PDE4D: variants seen among roughly 807,000 people sequenced by gnomAD.
PDE4D encodes the protein phosphodiesterase 4D.
A neutral mutation model predicts 87.4 loss-of-function variants in PDE4D; 24 were observed. The ratio of observed to expected loss-of-function variants is 0.27; its 90% confidence interval spans 0.20 to 0.39. The LOEUF (loss-of-function observed/expected upper bound fraction) is 0.39, where lower values mean the gene tolerates loss of function less well. Ranked by LOEUF, PDE4D falls within the 10% of genes least tolerant of loss-of-function variation. PDE4D has a pLI of 1.00. For missense variants in PDE4D, 714 were observed against 1,041.0 expected (o/e 0.69, Z 4.32); for synonymous variants, 384 against 383.2 (o/e 1.00, Z -0.02).
intron 1 of PDE4D, among the ~76,000 whole-genome samples, chr5:59,649,010 T>G (rs1324250743): frequency 6.6e-6 from 1 of 152,172 alleles, no homozygotes; most frequent in Non-Finnish European, 1.5e-5. Context: ...GAAGTTGGAT[T>G]CTTATATATA....
intron 6 of PDE4D, among the ~76,000 whole-genome samples, chr5:58,997,340 A>C (rs1199456955): frequency 6.6e-6 from 1 of 152,132 alleles, no homozygotes; most frequent in Non-Finnish European, 1.5e-5. Context: ...AGATCATTCA[A>C]CAAACATTTA....
At chr5:59,887,346 G>A (rs1474165307) in intron 1 of PDE4D, among the ~76,000 whole-genome samples, 1 of 152,100 alleles carries the variant, frequency 6.6e-6, no homozygotes, top group Non-Finnish European at 1.5e-5. Context: ...TATTCTTCGG[G>A]AAAAATCAGT....
rs763665629 is a variant in PDE4D, at chr5:59,768,602, G to A, written c.455+124566C>T. The A allele has an allele frequency of 1.4e-5, 21 of 1,552,408 alleles. No homozygotes were observed. In the South Asian group the frequency reaches 2.2e-4, roughly 16 times the overall value. On this transcript the variant is annotated intron_variant, in intron 1 of 14. Transcript: ENST00000340635. ...GAAATGTCCAGGGAAGCAGGTCTGAGCCTGCTGCTGTTAGTGCATTCAGTC... is the reference window on the plus strand; with the variant it reads ...GAAATGTCCAGGGAAGCAGGTCTGAACCTGCTGCTGTTAGTGCATTCAGTC...
At chr5:60,146,267 A>G (rs2149431538) in intron 2 of PDE4D, among the ~76,000 whole-genome samples, 1 of 152,332 alleles carries the variant, frequency 6.6e-6, no homozygotes, top group Middle Eastern at 3.4e-3. Context: ...ATTGCTCAGC[A>G]CAGAACCTAG....
At chr5:60,305,387 A>T (rs1754401563) in intron 1 of PDE4D, among the ~76,000 whole-genome samples, 1 of 152,118 alleles carries the variant, frequency 6.6e-6, no homozygotes, top group Non-Finnish European at 1.5e-5. Context: ...ATTATTTAAC[A>T]GTTCTATAAG....
intron 3 of PDE4D, among the ~76,000 whole-genome samples, chr5:59,930,390 T>C (rs1755785051): frequency 6.6e-6 from 1 of 152,060 alleles, no homozygotes; most frequent in South Asian, 2.1e-4. Context: ...CATGTACTGA[T>C]GGAGATCTCT....
chr5:59,510,747 T>C (rs1383084681), intron 1 of PDE4D, among the ~76,000 whole-genome samples: 1 of 151,996 alleles, frequency 6.6e-6, no homozygotes, highest in East Asian at 1.9e-4. Flanking sequence ...TAATGCATCT[T>C]GGAGAAATCA....
chr5:59,933,055 A>G (rs1426288900), intron 3 of PDE4D, among the ~76,000 whole-genome samples: 1 of 152,144 alleles, frequency 6.6e-6, no homozygotes, highest in African/African-American at 2.4e-5. Flanking sequence ...GGTCTCCTGC[A>G]CCATTGCTTT....
chr5:59,478,320 A>T (rs1803672152), intron 1 of PDE4D, among the ~76,000 whole-genome samples: 1 of 152,108 alleles, frequency 6.6e-6, no homozygotes, highest in Non-Finnish European at 1.5e-5. Flanking sequence ...CTAATTGGAA[A>T]TGGTAAGAAT....
intron 1 of PDE4D, among the ~76,000 whole-genome samples, chr5:60,395,757 GA>G (rs70975383): frequency 0.019 from 2,429 of 130,608 alleles, 27 homozygotes; most frequent in Non-Finnish European, 0.028. Context: ...CAAGATAGAA[GA>G]AAAAAAAAAA....
chr5:58,996,582 A>G (rs551877100), intron 6 of PDE4D, among the ~76,000 whole-genome samples: 218 of 152,280 alleles, frequency 1.4e-3, no homozygotes, highest in South Asian at 7.5e-3. Flanking sequence ...CAATAAAGCA[A>G]AACAAGGGAA....
chr5:60,307,531 C>T (rs537659086), intron 1 of PDE4D, among the ~76,000 whole-genome samples: 88 of 152,134 alleles, frequency 5.8e-4, no homozygotes, highest in African/African-American at 2.1e-3. Flanking sequence ...AGGCAAAACC[C>T]CAGAGGTTAG....
chr5:60,249,580 C>T (rs1437858476), intron 1 of PDE4D, among the ~76,000 whole-genome samples: 1 of 151,958 alleles, frequency 6.6e-6, no homozygotes, highest in African/African-American at 2.4e-5. Context: ...AGAATTACTG[C>T]TCAGCTGTAA....
At chr5:59,099,109 G>T (rs961355340) in intron 5 of PDE4D, among the ~76,000 whole-genome samples, 1 of 152,144 alleles carries the variant, frequency 6.6e-6, no homozygotes, top group African/African-American at 2.4e-5. Context: ...GAACAAATCT[G>T]TAAGGATATT....
At chr5:59,463,937 A>C (rs1165110551) in intron 1 of PDE4D, among the ~76,000 whole-genome samples, 1 of 152,160 alleles carries the variant, frequency 6.6e-6, no homozygotes. Context: ...GTGCTCTCTG[A>C]AATATGTGCT....
chr5:60,059,728 G>T (rs781222997), intron 2 of PDE4D, among the ~76,000 whole-genome samples: 1 of 151,966 alleles, frequency 6.6e-6, no homozygotes, highest in Non-Finnish European at 1.5e-5. Context: ...GGTAGAAATA[G>T]CCACTATCCA....
Position 59,808,580 on chromosome 5 carries a change from G to A in PDE4D, c.455+84588C>T, listed in dbSNP as rs191495024. ...AACCTGTTACATCTTGATCTATGAC[G>A]TTTGTGTGTGTGTGTGTGTGTTTGT... On this transcript the variant is annotated intron_variant, in intron 1 of 14. Coordinates refer to ENST00000340635, the MANE Select transcript of PDE4D (RefSeq NM_001104631.2). Among the ~76,000 whole-genome samples the A allele has an allele frequency of 1.9e-3, 280 of 145,138 alleles. 1 individual carries two copies. The highest frequency in any genetic ancestry group is 6.6e-3 in the African/African-American group (261 of 39,640).
intron 1 of PDE4D, among the ~76,000 whole-genome samples, chr5:59,239,296 C>T (rs1757150519): frequency 6.6e-6 from 1 of 152,106 alleles, no homozygotes; most frequent in Admixed American, 6.6e-5. Context: ...TGCTGAAATG[C>T]CTCCTCACCG....
chr5:60,153,119 C>G (rs1781658144), intron 2 of PDE4D, among the ~76,000 whole-genome samples: 1 of 152,134 alleles, frequency 6.6e-6, no homozygotes, highest in Non-Finnish European at 1.5e-5. Context: ...TATTTGCAAA[C>G]CATACATCTG....
Sources: allele counts gnomAD v4.1 joint callset (sites outside exome capture counted in the v4.1 genomes callset), GRCh38; gene constraint gnomAD v4.1.1; transcripts MANE v1.5; gene names NCBI Gene and HGNC (gene_info 2026-07-23, HGNC 2026-07-21).